TMX4: variants seen among roughly 807,000 people sequenced by gnomAD.
The protein encoded by TMX4 is thioredoxin related transmembrane protein 4, also known as thioredoxin-related transmembrane protein 4.
A neutral mutation model predicts 33.3 loss-of-function variants in TMX4; 23 were observed. The ratio of observed to expected loss-of-function variants is 0.69; its 90% CI spans 0.50 to 0.98. The LOEUF is 0.98. TMX4 is among the 50% of genes least tolerant of loss of function. The probability of loss-of-function intolerance (pLI) is 0.00; values close to 1 mark genes in which losing one functional copy is unlikely to be tolerated. For synonymous variants in TMX4, 164 were observed against 161.5 expected (o/e 1.02, Z -0.12); for missense variants, 399 against 448.9 (o/e 0.89, Z 1.01).
intron 5 of TMX4, among the ~76,000 whole-genome samples, chr20:7,988,351 A>G (rs2050639424): frequency 6.6e-6 from 1 of 152,194 alleles, no homozygotes; most frequent in South Asian, 2.1e-4. Context: ...TTAATTTCCT[A>G]TTTCTCAAAA....
intron 4 of TMX4, among the ~76,000 whole-genome samples, chr20:7,996,292 G>A (rs1016746634): frequency 7.9e-5 from 12 of 151,940 alleles, no homozygotes; most frequent in African/African-American, 2.9e-4. Context: ...TCCTTTCATT[G>A]TGCCTACCCG....
chr20:7,996,789 T>C (rs1279741399), intron 4 of TMX4, among the ~76,000 whole-genome samples: 1 of 152,126 alleles, frequency 6.6e-6, no homozygotes, highest in East Asian at 1.9e-4. Context: ...CATGCTCTAC[T>C]CTCTTTTACC....
intron 4 of TMX4, among the ~76,000 whole-genome samples, chr20:7,997,794 A>G (rs942814373): frequency 6.6e-6 from 1 of 152,216 alleles, no homozygotes; most frequent in Non-Finnish European, 1.5e-5. Context: ...TCAAGTGTTC[A>G]ATTTCTTAAA....
chr20:7,983,899 T>C (rs1432589259), intron 6 of TMX4, 42 bp from the exon 7 acceptor site: 1 of 1,520,434 alleles, frequency 6.6e-7, no homozygotes, highest in Non-Finnish European at 9.1e-7. Context: ...AGATAGGACA[T>C]TTATTACCAA....
chr20:7,995,764 C>T (rs909842062), intron 5 of TMX4, among the ~76,000 whole-genome samples: 1 of 151,558 alleles, frequency 6.6e-6, no homozygotes, highest in East Asian at 2.0e-4. Flanking sequence ...ATCACATAAG[C>T]CGTTTTGCTT....
chr20:7,986,607 A>C (rs1325733211), intron 6 of TMX4, among the ~76,000 whole-genome samples: 2 of 152,214 alleles, frequency 1.3e-5, no homozygotes, highest in African/African-American at 4.8e-5. Flanking sequence ...CAATCAAACT[A>C]ATCAAGATTA....
intron 2 of TMX4, among the ~76,000 whole-genome samples, chr20:8,009,101 A>G (rs1296407957): frequency 6.6e-6 from 1 of 152,164 alleles, no homozygotes; most frequent in Non-Finnish European, 1.5e-5. Context: ...GTAGGTATAA[A>G]TTGAATGTCA....
At chr20:7,992,524 C>T (rs2122859429) in intron 5 of TMX4, among the ~76,000 whole-genome samples, 1 of 152,322 alleles carries the variant, frequency 6.6e-6, no homozygotes, top group East Asian at 1.9e-4. Flanking sequence ...CTGACAGGAA[C>T]TGCCTCATAA....
chr20:8,004,893 T>C (rs983298581), intron 2 of TMX4, among the ~76,000 whole-genome samples: 5 of 152,200 alleles, frequency 3.3e-5, no homozygotes, highest in Non-Finnish European at 7.3e-5. Context: ...CTAAAATGCA[T>C]GTAAGTGTAT....
At chr20:8,017,140 A>C (rs1012200073) in intron 1 of TMX4, among the ~76,000 whole-genome samples, 1 of 152,164 alleles carries the variant, frequency 6.6e-6, no homozygotes, top group African/African-American at 2.4e-5. Context: ...TCACCTGATA[A>C]TACAGAAAAA....
chr20:8,004,096 T>C (rs1042372391), intron 2 of TMX4, among the ~76,000 whole-genome samples: 2 of 150,788 alleles, frequency 1.3e-5, no homozygotes, highest in Admixed American at 6.6e-5. Context: ...TAAATCCCTG[T>C]AGATCCAACA....
intron 2 of TMX4, among the ~76,000 whole-genome samples, chr20:8,007,782 A>C (rs2050736882): frequency 6.6e-6 from 1 of 152,248 alleles, no homozygotes; most frequent in Non-Finnish European, 1.5e-5. Flanking sequence ...ACAGGTCTTG[A>C]TAAATTGAAA....
chr20:7,982,218 T>C lies in TMX4; in HGVS notation c.*33A>G. The C allele has an allele frequency of 6.3e-7, 1 of 1,589,088 alleles. No homozygotes were observed. Among genetic ancestry groups the C allele is most frequent in the Non-Finnish European group, 8.6e-7 (1 of 1,166,352 alleles). On this transcript the variant is annotated 3_prime_UTR_variant, in exon 8 of 8. Coordinates refer to ENST00000246024, the MANE Select transcript of TMX4 (RefSeq NM_021156.4). Reference sequence around the variant, plus strand: ...GCCAAAGGGAAGCTGACATATTGTTTTGGTGTGTATTCTTGAAAACGCATC... The same window carrying C: ...GCCAAAGGGAAGCTGACATATTGTTCTGGTGTGTATTCTTGAAAACGCATC...
At chr20:8,017,103 T>G (rs2050778802) in intron 1 of TMX4, among the ~76,000 whole-genome samples, 1 of 150,478 alleles carries the variant, frequency 6.6e-6, no homozygotes, top group African/African-American at 2.4e-5. Flanking sequence ...AGTACTGGAG[T>G]TTTTTTCACA....
chr20:7,995,886 C>T, intron 5 of TMX4, 140 bp downstream of exon 5: 3 of 680,136 alleles, frequency 4.4e-6, no homozygotes, highest in South Asian at 4.1e-5. Context: ...GGAAACCCCA[C>T]ATGAGAGTAG....
At chr20:7,996,161 C>T (rs2050675490) in intron 4 of TMX4, 90 bp from the exon 5 acceptor site, 1 of 1,005,216 alleles carries the variant, frequency 9.9e-7, no homozygotes, top group Non-Finnish European at 1.5e-6. Context: ...CTATTTCCCT[C>T]CACTTCTTGC....
Position 8,007,563 on chromosome 20 carries a change from C to T in TMX4, c.292+2637G>A, listed in dbSNP as rs2050736100. Among the ~76,000 whole-genome samples, 3 of 152,202 alleles carry T rather than the reference C, an allele frequency of 2.0e-5. No individual in the cohort carries two copies. The South Asian group carries it at 6.2e-4, about 31-fold the overall frequency. ...TCATACTTTGTAGAAAATCTAAACT[C>T]CTTGTCATGGCCAACAAGACCTCAC... On this transcript the variant is annotated intron_variant, in intron 2 of 7. Coordinates refer to ENST00000246024, the MANE Select transcript of TMX4 (RefSeq NM_021156.4).
chr20:8,006,566 T>C (rs1326192895), intron 2 of TMX4, among the ~76,000 whole-genome samples: 1 of 152,076 alleles, frequency 6.6e-6, no homozygotes, highest in Non-Finnish European at 1.5e-5. Flanking sequence ...ATTCAAGACG[T>C]TAGTGTTTGT....
At chr20:7,992,933 A>G (rs1313202701) in intron 5 of TMX4, among the ~76,000 whole-genome samples, 1 of 152,222 alleles carries the variant, frequency 6.6e-6, no homozygotes, top group East Asian at 1.9e-4. Flanking sequence ...AAACGTTTTT[A>G]AAAATCACCC....
Sources: allele counts gnomAD v4.1 joint callset (sites outside exome capture counted in the v4.1 genomes callset), GRCh38; gene constraint gnomAD v4.1.1; transcripts MANE v1.5; gene names NCBI Gene and HGNC (gene_info 2026-07-23, HGNC 2026-07-21).